Variants in TMEM150B observed in about 807,000 individuals in gnomAD.
The protein encoded by TMEM150B is modulator of macroautophagy TMEM150B.
In TMEM150B, 33 loss-of-function variants were observed where a neutral mutation model predicts 25.2. That is an observed-to-expected ratio of 1.31 (90% CI 0.99 to 1.75). The LOEUF (loss-of-function observed/expected upper bound fraction) is 1.75, where lower values mean the gene tolerates loss of function less well. Among genes scored for constraint, TMEM150B ranks in the 40% most tolerant of loss-of-function variants. The probability of loss-of-function intolerance (pLI) is 0.00; values close to 1 mark genes in which losing one functional copy is unlikely to be tolerated. For synonymous variants in TMEM150B, 133 were observed against 134.8 expected, an observed-to-expected ratio of 0.99 and a Z score of 0.09; for missense variants, 322 against 306.1, an observed-to-expected ratio of 1.05 and a Z score of -0.39.
At chr19:55,321,162 G>T in intron 2 of TMEM150B, 69 bp from the exon 3 acceptor site, 2 of 1,460,018 alleles carry the variant, frequency 1.4e-6, no homozygotes, top group Non-Finnish European at 1.8e-6. Context: ...GGCCCCGCTT[G>T]GCTCTCAGGC....
rs779619025 is a variant in TMEM150B, at chr19:55,316,827, C to G, written c.464G>C (p.Arg155Pro). The change falls in exon 7 of 8, where the codon CGC (arginine) becomes CCC (proline). Residue 155 changes from arginine (R) to proline (P), a missense_variant. Arg to Pro is a moderately radical substitution (Grantham distance 103). Transcript: ENST00000326652. ...QPGAAWIGPL[R>P]LGLCSVCTIL... is the part of the protein sequence containing the mutation. ...GGTGCAGACGCTGCAGAGGCCCAGG[C>G]GGAGGGGCCCAATCCAGGCAGCCCC... 5.1e-6 allele frequency: 8 copies of G among 1,576,348 alleles called. No homozygotes were observed. Among genetic ancestry groups the G allele is most frequent in the Non-Finnish European group, 6.9e-6 (8 of 1,167,246 alleles).
chr19:55,311,794 C>T (rs554957744), downstream of TMEM150B: 1 of 1,087,440 alleles, frequency 9.2e-7, no homozygotes, highest in East Asian at 2.7e-5. Flanking sequence ...GGGATTGGAG[C>T]TAGAGCCTCG....
chr19:55,324,855 G>A, intron 1 of TMEM150B: 1 of 985,268 alleles, frequency 1.0e-6, no homozygotes, highest in Non-Finnish European at 1.2e-6. Context: ...TGCCCTCAGG[G>A]GAATCCCTGT....
chr19:55,318,564 A>C (rs568787938), intron 6 of TMEM150B, among the ~76,000 whole-genome samples: 1 of 152,160 alleles, frequency 6.6e-6, no homozygotes, highest in East Asian at 1.9e-4. Context: ...TGAACCCAGC[A>C]GGCGGAGGTT....
At chr19:55,311,767 C>A, downstream of TMEM150B, 1 of 830,112 alleles carries the variant, frequency 1.2e-6, no homozygotes. Flanking sequence ...AGGTGCTGGA[C>A]GGACTGGGCC....
chr19:55,323,058 G>T (rs956385090), intron 1 of TMEM150B, among the ~76,000 whole-genome samples: 1 of 152,024 alleles, frequency 6.6e-6, no homozygotes, highest in East Asian at 1.9e-4. Context: ...AGACACAGAA[G>T]TCCCAGCCAC....
chr19:55,320,013 G>A, intron 6 of TMEM150B, 26 bp downstream of exon 6: 2 of 1,613,938 alleles, frequency 1.2e-6, no homozygotes, highest in Non-Finnish European at 1.7e-6. Context: ...GGCCGGGACA[G>A]ACCCTGGGCG....
At chr19:55,311,952 C>G (rs761204159), downstream of TMEM150B, 5 of 1,609,924 alleles carry the variant, frequency 3.1e-6, no homozygotes, top group South Asian at 3.3e-5. Context: ...TGGTGCCCCA[C>G]CCCGAAGCCT....
chr19:55,316,710 G>T, intron 7 of TMEM150B, 76 bp downstream of exon 7: 1 of 1,330,776 alleles, frequency 7.5e-7, no homozygotes, highest in Non-Finnish European at 9.8e-7. Context: ...CATCCCCAGT[G>T]ACAGACAGCC....
intron 7 of TMEM150B, 100 bp from the exon 8 acceptor site, chr19:55,313,155 C>A: frequency 7.9e-7 from 1 of 1,261,714 alleles, no homozygotes; most frequent in South Asian, 1.5e-5. Context: ...CTCTGGGTGT[C>A]CCCATCCTCA....
chr19:55,316,849 C>T lies in TMEM150B; in HGVS notation c.442G>A (p.Ala148Thr), dbSNP rs372338104. 2.5e-6 allele frequency: 4 copies of T among 1,592,524 alleles called. No individual in the cohort carries two copies. Among genetic ancestry groups the T allele is most frequent in the Non-Finnish European group, 3.4e-6 (4 of 1,172,298 alleles). ...AGGCGGAGGGGCCCAATCCAGGCAG[C>T]CCCGGGCTGGGGCAGCCTCTTCAGC... The part of the protein sequence containing the change: ...WRLKRLPQPG[A>T]AWIGPLRLGL... The change falls in exon 7 of 8, where the codon GCT becomes ACT. Residue 148 changes from alanine (A) to threonine (T), a missense_variant. Transcript: ENST00000326652.
In TMEM150B at chr19:55,315,909, G is replaced by A. The variant is rs146344282; in HGVS notation, c.505+877C>T. 5.4e-3 allele frequency among the ~76,000 whole-genome samples: 826 copies of A among 152,256 alleles called. 5 individuals are homozygous for A. The highest frequency in any genetic ancestry group is 0.019 in the African/African-American group (776 of 41,534). ...CACGCCACTGCACTCCAGCCTGGGC[G>A]ACAGAGCAAGACTCTGTCTCAAAAA... is the stretch of plus-strand genomic sequence containing the variant. On this transcript the variant is annotated intron_variant, in intron 7 of 7. Coordinates refer to ENST00000326652, the MANE Select transcript of TMEM150B (RefSeq NM_001282011.2).
At chr19:55,314,694 A>T (rs948913875) in intron 7 of TMEM150B, among the ~76,000 whole-genome samples, 10 of 151,758 alleles carry the variant, frequency 6.6e-5, no homozygotes, top group South Asian at 2.1e-4. Context: ...TCTGGGCTGG[A>T]TCTTATCACC....
chr19:55,321,194 G>T, intron 2 of TMEM150B, 101 bp from the exon 3 acceptor site: 1 of 1,414,516 alleles, frequency 7.1e-7, no homozygotes, highest in Non-Finnish European at 9.3e-7. Flanking sequence ...GTAGGGGTCT[G>T]ATCTGATTGG....
In TMEM150B at chr19:55,320,063, G is replaced by A. The variant is rs747477307; in HGVS notation, c.300C>T (p.Gly100=). 6.2e-7 allele frequency: 1 copy of A among 1,614,186 alleles called. No individual in the cohort carries two copies. Among genetic ancestry groups the A allele is most frequent in the Non-Finnish European group, 8.5e-7 (1 of 1,180,026 alleles). The change falls in exon 6 of 8, where the codon GGC becomes GGT. Residue 100 remains glycine, a synonymous_variant. Transcript: ENST00000326652. ...ILWTGLLCAL[G]TSVVGNFQEK... ...CCTGGAAATTGCCTACCACGGAGGTGCCCAGGGCACACAGAAGACCCGTCC... is the reference window on the plus strand; with the variant it reads ...CCTGGAAATTGCCTACCACGGAGGTACCCAGGGCACACAGAAGACCCGTCC...
chr19:55,318,597 C>T (rs1171905099), intron 6 of TMEM150B, among the ~76,000 whole-genome samples: 1 of 152,042 alleles, frequency 6.6e-6, no homozygotes, highest in East Asian at 1.9e-4. Flanking sequence ...GATCGCACTA[C>T]TGCACTCCAG....
rs369382915 is a variant in TMEM150B, at chr19:55,320,439, G to A, written c.148C>T (p.Pro50Ser). ...PYISICGSFP[P>S]QSCIFSQVLN... Reference sequence around the variant, plus strand: ...ACCTGGCTGAAGATGCAGCTCTGAGGGGGGAAGGATCCGCAGATGCTGGGG... The same window carrying A: ...ACCTGGCTGAAGATGCAGCTCTGAGAGGGGAAGGATCCGCAGATGCTGGGG... The change falls in exon 5 of 8, where the codon CCT (proline) becomes TCT (serine). Residue 50 changes from proline to serine, a missense_variant. By Grantham distance (74) the Pro-to-Ser change is moderately conservative. Transcript: ENST00000326652. 8.8e-6 allele frequency: 14 copies of A among 1,589,056 alleles called. No homozygotes were observed. The highest frequency in any genetic ancestry group is 2.2e-5 in the East Asian group (1 of 44,604).
intron 2 of TMEM150B, among the ~76,000 whole-genome samples, chr19:55,322,353 C>G (rs900541709): frequency 3.9e-5 from 6 of 152,126 alleles, no homozygotes; most frequent in African/African-American, 1.2e-4. Context: ...AGCTGGGCCC[C>G]TCTCGCTTTC....
At chr19:55,312,572 AAT>A, downstream of TMEM150B, 1 of 340,972 alleles carries the variant, frequency 2.9e-6, no homozygotes, top group Non-Finnish European at 5.2e-6. Flanking sequence ...AGATAATAAT[AAT>A]AAATAGCCTT....
Sources: gnomAD v4.1 joint callset for allele counts (sites outside exome capture counted in the v4.1 genomes callset) on GRCh38, gnomAD v4.1.1 for gene constraint, MANE v1.5 for transcripts, NCBI Gene and HGNC (gene_info 2026-07-23, HGNC 2026-07-21) for gene names.